HDAC9: variants seen among roughly 807,000 people sequenced by gnomAD.
The protein encoded by HDAC9 is MEF-2 interacting transcription repressor (MITR) protein.
Under a neutral mutation model 139.4 loss-of-function variants are expected in HDAC9, and 41 were observed. The observed-to-expected ratio is 0.29, with a 90% CI of 0.23 to 0.38. HDAC9 has a LOEUF of 0.38. Ranked by LOEUF, HDAC9 falls within the 10% of genes least tolerant of loss-of-function variation. The pLI, the probability that HDAC9 is intolerant of heterozygous loss-of-function variation, is 1.00. For missense variants in HDAC9, 1,147 were observed against 1,297.0 expected (o/e 0.88, Z 1.78); for synonymous variants, 517 against 476.2 (o/e 1.09, Z -1.12).
chr7:18,784,618 A>G (rs1349011476), intron 16 of HDAC9, among the ~76,000 whole-genome samples: 1 of 144,308 alleles, frequency 6.9e-6, no homozygotes, highest in African/African-American at 2.6e-5. Context: ...TGTTCTTGCA[A>G]AATCCTGAGT....
At chr7:18,255,620 T>A (rs1164936886) in intron 2 of HDAC9, among the ~76,000 whole-genome samples, 1 of 142,928 alleles carries the variant, frequency 7.0e-6, no homozygotes. Flanking sequence ...CTTTTCTTTT[T>A]CTTTCCTTTT....
intron 23 of HDAC9, among the ~76,000 whole-genome samples, chr7:18,937,060 G>C (rs1275258784): frequency 9.9e-6 from 1 of 101,484 alleles, no homozygotes; most frequent in Non-Finnish European, 1.9e-5. Flanking sequence ...TTTTTTCTGA[G>C]ATAGAGTCTC....
intron 1 of HDAC9, among the ~76,000 whole-genome samples, chr7:18,333,835 C>T (rs1424469595): frequency 6.6e-6 from 1 of 150,912 alleles, no homozygotes; most frequent in African/African-American, 2.4e-5. Context: ...AGAGCTGGTT[C>T]TTAAAAATAA....
At chr7:18,699,558 A>G (rs1391532833) in intron 12 of HDAC9, among the ~76,000 whole-genome samples, 1 of 152,192 alleles carries the variant, frequency 6.6e-6, no homozygotes, top group Non-Finnish European at 1.5e-5. Context: ...CTTGTATATC[A>G]TACAATTCCA....
intron 2 of HDAC9, among the ~76,000 whole-genome samples, chr7:18,199,244 G>A (rs1790933555): frequency 6.6e-6 from 1 of 151,994 alleles, no homozygotes; most frequent in Non-Finnish European, 1.5e-5. Context: ...TAGAAATATT[G>A]TTGATTTACA....
At chr7:18,822,199 C>A (rs1053010997) in intron 17 of HDAC9, among the ~76,000 whole-genome samples, 2 of 152,188 alleles carry the variant, frequency 1.3e-5, no homozygotes, top group African/African-American at 4.8e-5. Flanking sequence ...ATATTTCAAT[C>A]TTCTAATCAT....
At chr7:18,159,340 A>G (rs976503969) in intron 1 of HDAC9, among the ~76,000 whole-genome samples, 1 of 152,226 alleles carries the variant, frequency 6.6e-6, no homozygotes, top group Non-Finnish European at 1.5e-5. Context: ...AATGACTAAT[A>G]TATGAGGGGA....
chr7:18,732,573 G>GTA (rs1309361892), intron 13 of HDAC9, among the ~76,000 whole-genome samples: 1 of 126,862 alleles, frequency 7.9e-6, no homozygotes, highest in Non-Finnish European at 1.6e-5. Flanking sequence ...GTATATATGT[G>GTA]CATGTGTATA....
chr7:18,138,525 GAGGTGTGT>G (rs1218214894), intron 1 of HDAC9, among the ~76,000 whole-genome samples: 31 of 118,908 alleles, frequency 2.6e-4, no homozygotes, highest in African/African-American at 9.3e-4. Context: ...GAGAGAGAGA[GAGGTGTGT>G]GTGTGTGTGT....
intron 1 of HDAC9, among the ~76,000 whole-genome samples, chr7:18,456,216 T>TTTTGA (rs1352902259): frequency 6.6e-6 from 1 of 152,156 alleles, no homozygotes; most frequent in Non-Finnish European, 1.5e-5. Context: ...CCAACTTTAC[T>TTTTGA]TTTGATTTGA....
intron 22 of HDAC9, among the ~76,000 whole-genome samples, chr7:18,914,822 A>G (rs999352829): frequency 1.3e-5 from 2 of 152,120 alleles, no homozygotes; most frequent in African/African-American, 4.8e-5. Context: ...AAGATATAGC[A>G]GAAAAAACCT....
chr7:18,279,447 A>T (rs1796952205), intron 2 of HDAC9, among the ~76,000 whole-genome samples: 1 of 151,476 alleles, frequency 6.6e-6, no homozygotes, highest in South Asian at 2.1e-4. Flanking sequence ...ATATATATCT[A>T]GTATGAATGT....
chr7:18,984,319 C>A (rs1785153704), intron 25 of HDAC9, among the ~76,000 whole-genome samples: 1 of 152,002 alleles, frequency 6.6e-6, no homozygotes, highest in Non-Finnish European at 1.5e-5. Context: ...ACTCTCGGGG[C>A]AGTTGGGGGT....
chr7:18,289,784 G>A (rs1021260177), upstream of HDAC9, among the ~76,000 whole-genome samples: 2 of 152,156 alleles, frequency 1.3e-5, no homozygotes, highest in East Asian at 1.9e-4. Flanking sequence ...ATCGGTCTCA[G>A]CCTCTTCTTT....
intron 1 of HDAC9, among the ~76,000 whole-genome samples, chr7:18,419,319 T>C (rs571940943): frequency 3.9e-5 from 6 of 152,286 alleles, no homozygotes; most frequent in Admixed American, 2.0e-4. Context: ...TCAGTACTTA[T>C]AGAAATTATT....
chr7:18,979,589 A>G (rs1258967219), intron 25 of HDAC9, among the ~76,000 whole-genome samples: 2 of 152,302 alleles, frequency 1.3e-5, no homozygotes, highest in East Asian at 3.9e-4. Context: ...ATAGCTGCGA[A>G]TGGGTAATTT....
chr7:18,475,534 T>G (rs562482656), intron 1 of HDAC9, among the ~76,000 whole-genome samples: 37 of 152,328 alleles, frequency 2.4e-4, no homozygotes, highest in African/African-American at 7.0e-4. Flanking sequence ...AAGGTGGCAA[T>G]TGGACAATAA....
intron 1 of HDAC9, among the ~76,000 whole-genome samples, chr7:18,438,555 T>C (rs1489653855): frequency 2.6e-5 from 4 of 152,180 alleles, no homozygotes; most frequent in African/African-American, 9.7e-5. Context: ...CTAGAATATA[T>C]CTATACTTTA....
chr7:18,698,185 A>G (rs962855029), intron 12 of HDAC9, among the ~76,000 whole-genome samples: 2 of 152,192 alleles, frequency 1.3e-5, no homozygotes, highest in Non-Finnish European at 2.9e-5. Flanking sequence ...GCCCTCTGCT[A>G]CTTTTCTCCC....
Sources: allele counts gnomAD v4.1 joint callset (sites outside exome capture counted in the v4.1 genomes callset), GRCh38; gene constraint gnomAD v4.1.1; transcripts MANE v1.5; gene names NCBI Gene and HGNC (gene_info 2026-07-23, HGNC 2026-07-21).